Variants in CYSLTR1 observed in about 807,000 individuals in gnomAD.
CYSLTR1 encodes G-protein coupled receptor HG55.
Under a neutral mutation model 2.1 loss-of-function variants are expected in CYSLTR1, and 1 was observed. The ratio of observed to expected loss-of-function variants is 0.48; its 90% CI spans 0.17 to 2.28. The LOEUF (loss-of-function observed/expected upper bound fraction) is 2.28. Among genes scored for constraint, CYSLTR1 ranks in the 30% most tolerant of loss-of-function variants. CYSLTR1 has a pLI of 0.26. For synonymous variants in CYSLTR1, 110 were observed against 89.6 expected, an observed-to-expected ratio of 1.23 and a Z score of -1.28; for missense variants, 299 against 250.1, an observed-to-expected ratio of 1.20 and a Z score of -1.32.
Position 78,273,460 on chromosome X carries a change from C to A in CYSLTR1, c.287G>T (p.Cys96Phe). 1.7e-6 allele frequency: 2 copies of A among 1,211,461 alleles called. No individual in the cohort carries two copies. The highest frequency in any genetic ancestry group is 1.1e-6 in the Non-Finnish European group (1 of 895,371). Reference protein sequence around the residue: ...KGIWLFGDFLCRLSTYALYVN... With the variant: ...KGIWLFGDFLFRLSTYALYVN... ...ATACAAAGCATAGGTGCTGAGGCGG[C>A]ACAAGAAGTCACCAAAGAGCCAAAT... Residue 96 changes from cysteine (C) to phenylalanine (F), a missense_variant, in exon 3 of 3, where the codon TGC (cysteine) becomes TTC (phenylalanine). Coordinates refer to ENST00000373304, the MANE Select transcript of CYSLTR1 (RefSeq NM_006639.4).
chrX:78,283,004 A>C (rs749959522), intron 2 of CYSLTR1, among the ~76,000 whole-genome samples: 2 of 112,502 alleles, frequency 1.8e-5, no homozygotes, highest in Non-Finnish European at 3.8e-5. Context: ...AAGCCATAAA[A>C]AGAAGATTGT....
intron 2 of CYSLTR1, among the ~76,000 whole-genome samples, chrX:78,281,215 G>GT (rs1184181123): frequency 3.0e-4 from 31 of 101,879 alleles, no homozygotes; most frequent in South Asian, 1.3e-3. Flanking sequence ...GTGTATAAGT[G>GT]TTTTTTTTTT....
At chrX:78,322,882 C>CA (rs1280374535) in intron 1 of CYSLTR1, among the ~76,000 whole-genome samples, 1 of 111,598 alleles carries the variant, frequency 9.0e-6, no homozygotes. Context: ...ATTCTGTTGT[C>CA]AGACAGTTGG....
At chrX:78,309,610 CA>C (rs1923148628) in intron 1 of CYSLTR1, among the ~76,000 whole-genome samples, 1 of 111,259 alleles carries the variant, frequency 9.0e-6, no homozygotes, top group Non-Finnish European at 1.9e-5. Context: ...TCACTTTGAA[CA>C]GGTAATAAAA....
intron 1 of CYSLTR1, among the ~76,000 whole-genome samples, chrX:78,288,990 T>A (rs2149188154): frequency 9.1e-6 from 1 of 109,880 alleles, no homozygotes; most frequent in South Asian, 3.9e-4. Flanking sequence ...ATACTTTAAG[T>A]ACTAGGGTAC....
At chrX:78,299,873 T>C (rs926948759) in intron 1 of CYSLTR1, among the ~76,000 whole-genome samples, 5 of 111,706 alleles carry the variant, frequency 4.5e-5, no homozygotes, top group Admixed American at 3.8e-4. Context: ...CCTTTGAACA[T>C]GCTTTCTACC....
intron 1 of CYSLTR1, among the ~76,000 whole-genome samples, chrX:78,285,725 T>G (rs1014994138): frequency 6.2e-5 from 7 of 112,163 alleles, no homozygotes; most frequent in African/African-American, 2.3e-4. Context: ...CCGTGTAGTA[T>G]TTTTCAAGTT....
chrX:78,275,938 T>C (rs1482702481), intron 2 of CYSLTR1, among the ~76,000 whole-genome samples: 3 of 111,888 alleles, frequency 2.7e-5, no homozygotes, highest in African/African-American at 9.8e-5. Context: ...AGAAGCCATA[T>C]AGTTATTTAA....
chrX:78,315,365 C>T (rs780916652), intron 1 of CYSLTR1, among the ~76,000 whole-genome samples: 34 of 111,251 alleles, frequency 3.1e-4, no homozygotes, highest in African/African-American at 1.0e-3. Context: ...CCTTCTGCTT[C>T]GGAAGGGAGA....
intron 2 of CYSLTR1, among the ~76,000 whole-genome samples, chrX:78,279,729 A>T (rs1247301160): frequency 8.9e-6 from 1 of 112,223 alleles, no homozygotes; most frequent in Non-Finnish European, 1.9e-5. Flanking sequence ...GATAAAGAAA[A>T]CATGGTATGT....
chrX:78,276,349 TTTGA>T, intron 2 of CYSLTR1, among the ~76,000 whole-genome samples: 1 of 111,597 alleles, frequency 9.0e-6, no homozygotes, highest in Non-Finnish European at 1.9e-5. Context: ...TCAGATAATC[TTTGA>T]TTGAAGTCTG....
chrX:78,306,593 T>C (rs1923041382), intron 1 of CYSLTR1, among the ~76,000 whole-genome samples: 1 of 112,117 alleles, frequency 8.9e-6, no homozygotes, highest in Admixed American at 9.5e-5. Flanking sequence ...TAGCTTAATT[T>C]TCTAATGAAG....
intron 1 of CYSLTR1, among the ~76,000 whole-genome samples, chrX:78,303,932 G>A (rs776081540): frequency 9.0e-6 from 1 of 111,466 alleles, no homozygotes; most frequent in South Asian, 3.8e-4. Flanking sequence ...GTGAATCAGG[G>A]TATTTCTGTT....
chrX:78,324,458 C>T (rs941895640), intron 1 of CYSLTR1, among the ~76,000 whole-genome samples: 1 of 111,692 alleles, frequency 9.0e-6, no homozygotes, highest in African/African-American at 3.3e-5. Flanking sequence ...ACCTCCACCA[C>T]CCGGGTTCAA....
At chrX:78,302,737 C>A (rs1922870768) in intron 1 of CYSLTR1, among the ~76,000 whole-genome samples, 1 of 110,819 alleles carries the variant, frequency 9.0e-6, no homozygotes, top group African/African-American at 3.3e-5. Flanking sequence ...GGAAAAGGGC[C>A]TCACGACTCT....
In CYSLTR1 at chrX:78,274,376, C is replaced by T. The variant is rs768651782; in HGVS notation, c.-27-603G>A. Among the ~76,000 whole-genome samples the T allele has an allele frequency of 1.3e-4, 14 of 111,049 alleles. No individual in the cohort carries two copies. In the East Asian group the frequency reaches 4.0e-3, roughly 31 times the overall value. The stretch of plus-strand genomic sequence containing the variant: ...TGGTACCAAAACACTGGTACCAAAA[C>T]AGAGATATAGACCAATGGAACAGAA... On this transcript the variant is annotated intron_variant, in intron 2 of 2. Coordinates refer to ENST00000373304, the MANE Select transcript of CYSLTR1 (RefSeq NM_006639.4).
At chrX:78,289,517 A>G (rs1232918810) in intron 1 of CYSLTR1, among the ~76,000 whole-genome samples, 1 of 112,080 alleles carries the variant, frequency 8.9e-6, no homozygotes, top group East Asian at 2.8e-4. Context: ...TTCTAGTTCT[A>G]GATCCTTGAG....
chrX:78,299,270 T>G (rs1922712516), intron 1 of CYSLTR1, among the ~76,000 whole-genome samples: 1 of 111,872 alleles, frequency 8.9e-6, no homozygotes, highest in African/African-American at 3.2e-5. Flanking sequence ...GTAGTTATTA[T>G]TTTTGATTGG....
chrX:78,313,826 C>T (rs1923303838), intron 1 of CYSLTR1, among the ~76,000 whole-genome samples: 1 of 111,750 alleles, frequency 8.9e-6, no homozygotes, highest in Non-Finnish European at 1.9e-5. Context: ...TGGAAGATGA[C>T]GTTACCAAAG....
Sources: allele counts gnomAD v4.1 joint callset (sites outside exome capture counted in the v4.1 genomes callset), GRCh38; gene constraint gnomAD v4.1.1; transcripts MANE v1.5; gene names NCBI Gene and HGNC (gene_info 2026-07-23, HGNC 2026-07-21).